The following MME variants were observed in gnomAD, a reference collection of about 807,000 sequenced individuals.
The protein encoded by MME is membrane metalloendopeptidase.
A neutral mutation model predicts 113.2 loss-of-function variants in MME; 98 were observed. The ratio of observed to expected loss-of-function variants is 0.87; its 90% CI spans 0.74 to 1.02. The LOEUF (loss-of-function observed/expected upper bound fraction) is 1.02. Among genes scored for constraint, MME ranks in the 50% least tolerant of loss-of-function variants. The pLI is 0.00. For missense variants in MME, 836 were observed against 896.0 expected, an observed-to-expected ratio of 0.93 and a Z score of 0.86; for synonymous variants, 292 against 300.6, an observed-to-expected ratio of 0.97 and a Z score of 0.30.
chr3:155,092,377 G>A (rs6763919), intron 3 of MME, among the ~76,000 whole-genome samples: 2,085 of 152,282 alleles, frequency 0.014, 42 homozygotes, highest in African/African-American at 0.047. Context: ...TACATTAATG[G>A]TGGGAATGTA....
chr3:155,100,477 T>G (rs555836194), intron 3 of MME, among the ~76,000 whole-genome samples: 1 of 152,320 alleles, frequency 6.6e-6, no homozygotes, highest in South Asian at 2.1e-4. Flanking sequence ...GTTCAGCCAT[T>G]GTGGAAGACA....
intron 3 of MME, among the ~76,000 whole-genome samples, chr3:155,097,118 G>A (rs987374828): frequency 3.9e-5 from 6 of 152,130 alleles, no homozygotes; most frequent in Admixed American, 1.3e-4. Context: ...AGCTTATTGG[G>A]TAATAGGCTG....
intron 20 of MME, among the ~76,000 whole-genome samples, chr3:155,170,610 T>G (rs895658919): frequency 1.3e-5 from 2 of 152,190 alleles, no homozygotes; most frequent in African/African-American, 4.8e-5. Context: ...CCTTTTGAGA[T>G]ATTGTTTTCC....
intron 3 of MME, among the ~76,000 whole-genome samples, chr3:155,100,047 A>G (rs1252442895): frequency 6.6e-6 from 1 of 152,226 alleles, no homozygotes; most frequent in Non-Finnish European, 1.5e-5. Flanking sequence ...CAAAATTGAC[A>G]AATGGGATCT....
intron 1 of MME, among the ~76,000 whole-genome samples, chr3:155,070,364 T>C (rs926430985): frequency 6.6e-6 from 1 of 152,230 alleles, no homozygotes; most frequent in African/African-American, 2.4e-5. Flanking sequence ...TTAAACAGTA[T>C]AATGAAAGTA....
intron 3 of MME, among the ~76,000 whole-genome samples, chr3:155,109,292 G>A (rs1717968662): frequency 6.6e-6 from 1 of 152,136 alleles, no homozygotes; most frequent in African/African-American, 2.4e-5. Flanking sequence ...AGATGAGGAA[G>A]GGAGGTATTT....
intron 3 of MME, chr3:155,085,750 C>T (rs760375988): frequency 3.9e-5 from 6 of 152,328 alleles, no homozygotes; most frequent in African/African-American, 9.6e-5. Flanking sequence ...AGGCTGGTTT[C>T]GAACTCCTGC....
upstream of MME, among the ~76,000 whole-genome samples, chr3:155,075,185 AAT>A (rs2108147503): frequency 6.6e-6 from 1 of 151,828 alleles, no homozygotes; most frequent in Non-Finnish European, 1.5e-5. Context: ...CAGCCTGCTG[AAT>A]TGATTAATCT....
chr3:155,069,109 G>C (rs1714473068), intron 1 of MME, among the ~76,000 whole-genome samples: 1 of 152,164 alleles, frequency 6.6e-6, no homozygotes, highest in Admixed American at 6.6e-5. Flanking sequence ...AAAGGAAAAG[G>C]GGGGAATATG....
intron 4 of MME, 65 bp from the exon 5 acceptor site, chr3:155,116,414 A>C (rs1344092302): frequency 1.7e-6 from 2 of 1,189,360 alleles, no homozygotes; most frequent in East Asian, 4.7e-5. Context: ...GCAAATGAGC[A>C]ATTATGTTTG....
intron 14 of MME, among the ~76,000 whole-genome samples, chr3:155,144,909 G>A (rs1454817928): frequency 6.6e-6 from 1 of 152,024 alleles, no homozygotes; most frequent in East Asian, 1.9e-4. Flanking sequence ...ATAACTAGGG[G>A]GAACATGTCC....
intron 14 of MME, among the ~76,000 whole-genome samples, chr3:155,146,362 C>T (rs1392698497): frequency 1.3e-5 from 2 of 151,396 alleles, no homozygotes; most frequent in Admixed American, 1.3e-4. Context: ...GCTGTCTCTA[C>T]AAAAAATACA....
intron 1 of MME, among the ~76,000 whole-genome samples, chr3:155,025,623 CAAAA>C (rs565613508): frequency 1.4e-5 from 1 of 74,018 alleles, no homozygotes; most frequent in Non-Finnish European, 2.8e-5. Context: ...GACCCTGTCT[CAAAA>C]AAAAAAAAAA....
intron 3 of MME, among the ~76,000 whole-genome samples, chr3:155,111,931 T>C (rs963171890): frequency 6.6e-6 from 1 of 152,220 alleles, no homozygotes; most frequent in Non-Finnish European, 1.5e-5. Flanking sequence ...GCTCTAGTTT[T>C]CTGGTTTTTC....
intron 8 of MME, among the ~76,000 whole-genome samples, chr3:155,132,299 C>A (rs1448995358): frequency 1.3e-5 from 2 of 152,154 alleles, no homozygotes; most frequent in Non-Finnish European, 2.9e-5. Context: ...TTTTTCCAGG[C>A]AGGAAGAGCC....
chr3:155,042,930 A>ATATG (rs1553749797), intron 1 of MME, among the ~76,000 whole-genome samples: 19 of 70,522 alleles, frequency 2.7e-4, no homozygotes, highest in African/African-American at 1.2e-3. Context: ...ATATATATAT[A>ATATG]TATATATATG....
intron 1 of MME, among the ~76,000 whole-genome samples, chr3:155,055,710 T>A (rs1014803434): frequency 7.2e-5 from 11 of 152,112 alleles, no homozygotes; most frequent in African/African-American, 2.7e-4. Flanking sequence ...GAGAGATGGA[T>A]AATGACTAGA....
chr3:155,140,410 CTTTTTTT>C (rs35653282), intron 10 of MME, 118 bp downstream of exon 10: 492 of 287,760 alleles, frequency 1.7e-3, no homozygotes, highest in East Asian at 2.6e-3. Flanking sequence ...ACTTCAATTC[CTTTTTTT>C]TTTTTTTTTT....
intron 22 of MME, among the ~76,000 whole-genome samples, chr3:155,179,806 C>T (rs1402999446): frequency 6.6e-6 from 1 of 152,120 alleles, no homozygotes; most frequent in East Asian, 1.9e-4. Context: ...CAAGCTGAAT[C>T]CAGCTTCTGA....
Sources: allele counts gnomAD v4.1 joint callset (sites outside exome capture counted in the v4.1 genomes callset), GRCh38; gene constraint gnomAD v4.1.1; transcripts MANE v1.5; gene names NCBI Gene and HGNC (gene_info 2026-07-23, HGNC 2026-07-21).